The following CACNA2D3 variants were observed in gnomAD, a reference collection of about 807,000 sequenced individuals.
CACNA2D3 encodes calcium voltage-gated channel auxiliary subunit alpha2delta 3, also known as voltage-dependent calcium channel subunit alpha-2/delta-3.
Under a neutral mutation model 160.6 loss-of-function variants are expected in CACNA2D3, and 60 were observed. The ratio of observed to expected loss-of-function variants is 0.37; its 90% confidence interval spans 0.30 to 0.46. The LOEUF (loss-of-function observed/expected upper bound fraction) is 0.46, where lower values mean the gene tolerates loss of function less well. CACNA2D3 is among the 20% of genes least tolerant of loss of function. The pLI is 1.00. For synonymous variants in CACNA2D3, 558 were observed against 492.9 expected, an observed-to-expected ratio of 1.13 and a Z score of -1.75; for missense variants, 1,205 against 1,365.0, an observed-to-expected ratio of 0.88 and a Z score of 1.85.
Position 54,846,451 on chromosome 3 carries a change from C to T in CACNA2D3, c.1610C>T (p.Pro537Leu), listed in dbSNP as rs748459234. Residue 537 changes from proline (P) to leucine (L), a missense_variant, in exon 17 of 38, where the codon CCG (proline) becomes CTG (leucine). Coordinates refer to ENST00000474759, the MANE Select transcript of CACNA2D3 (RefSeq NM_018398.3). ...ITNNGYILTH[P>L]ELRLLYEEGK... is the part of the protein sequence containing the mutation. ...AATAATGGATATATCCTGACGCATC[C>T]GGAACTCAGGCTGCTGGTAAGAGAA... 6.3e-6 allele frequency: 10 copies of T among 1,598,818 alleles called. No individual in the cohort carries two copies. Among genetic ancestry groups the T allele is most frequent in the Non-Finnish European group, 7.7e-6 (9 of 1,170,768 alleles).
chr3:54,597,245 T>G (rs1210694468), intron 9 of CACNA2D3, among the ~76,000 whole-genome samples: 3 of 152,160 alleles, frequency 2.0e-5, no homozygotes, highest in Non-Finnish European at 4.4e-5. Context: ...TTTCCCACTG[T>G]GGGCACCCCA....
chr3:54,452,276 A>G (rs1455830028), intron 4 of CACNA2D3, among the ~76,000 whole-genome samples: 1 of 152,154 alleles, frequency 6.6e-6, no homozygotes, highest in Non-Finnish European at 1.5e-5. Flanking sequence ...GGGAACTCCC[A>G]TTTATAAAAC....
At chr3:54,159,303 T>C (rs1700300220) in intron 2 of CACNA2D3, among the ~76,000 whole-genome samples, 1 of 152,206 alleles carries the variant, frequency 6.6e-6, no homozygotes, top group South Asian at 2.1e-4. Flanking sequence ...TTTTCCTTGC[T>C]CAGTGCATTG....
At chr3:54,997,513 GCAACCA>G (rs1042858656) in intron 31 of CACNA2D3, among the ~76,000 whole-genome samples, 8 of 151,968 alleles carry the variant, frequency 5.3e-5, no homozygotes, top group African/African-American at 9.7e-5. Context: ...ACCAGCTTGG[GCAACCA>G]CATCCAGCAC....
chr3:54,380,198 T>A (rs1409207150), intron 3 of CACNA2D3, among the ~76,000 whole-genome samples: 1 of 152,224 alleles, frequency 6.6e-6, no homozygotes, highest in African/African-American at 2.4e-5. Context: ...TCATTTTGCC[T>A]GGGTTCCTGG....
intron 11 of CACNA2D3, among the ~76,000 whole-genome samples, chr3:54,646,186 C>CCCTCCTTG (rs1559537958): frequency 2.3e-3 from 15 of 6,472 alleles, no homozygotes; most frequent in Admixed American, 5.1e-3. Flanking sequence ...CTCCCTCCCT[C>CCCTCCTTG]CTTCCTTGCT....
chr3:54,162,128 T>A lies in CACNA2D3; in HGVS notation c.204+38534T>A, dbSNP rs141812140. Among the ~76,000 whole-genome samples the A allele has an allele frequency of 4.2e-3, 637 of 152,308 alleles. 6 individuals are homozygous for A. Among genetic ancestry groups the A allele is most frequent in the Non-Finnish European group, 4.4e-3 (296 of 68,026 alleles). On this transcript the variant is annotated intron_variant, in intron 2 of 37. Transcript: ENST00000474759. ...CTGTCTTTCACTCAAGGATATTTAT[T>A]GAGTGCCTGCTTTGTCCCAGGTTTG...
At chr3:55,073,616 G>A in intron 36 of CACNA2D3, 59 bp downstream of exon 36, 1 of 1,397,772 alleles carries the variant, frequency 7.2e-7, no homozygotes. Context: ...GGTATCAGTG[G>A]TAAGGAAACC....
chr3:54,687,893 A>G lies in CACNA2D3; in HGVS notation c.1167+45652A>G, dbSNP rs1406165871. The stretch of plus-strand genomic sequence containing the variant: ...ATTACTGAGAATGATTCTTCTGCAT[A>G]CAGACTTCAGACAGGTACCCTTTGT... On this transcript the variant is annotated intron_variant, in intron 11 of 37. Coordinates refer to ENST00000474759, the MANE Select transcript of CACNA2D3 (RefSeq NM_018398.3). Among the ~76,000 whole-genome samples, 5 of 152,206 alleles carry G rather than the reference A, an allele frequency of 3.3e-5. No homozygotes were observed. In the East Asian group the frequency reaches 7.7e-4, roughly 23 times the overall value.
intron 35 of CACNA2D3, among the ~76,000 whole-genome samples, chr3:55,051,447 A>G (rs552487865): frequency 0.042 from 6,321 of 151,720 alleles, 359 homozygotes; most frequent in African/African-American, 0.13. Context: ...CCACTTGAGG[A>G]GGCAGTCTGC....
At chr3:54,494,688 A>G (rs906229071) in intron 4 of CACNA2D3, among the ~76,000 whole-genome samples, 1 of 152,208 alleles carries the variant, frequency 6.6e-6, no homozygotes, top group Non-Finnish European at 1.5e-5. Flanking sequence ...TCACACTGCT[A>G]TAAAGAATAC....
chr3:54,572,692 T>C (rs1026783164), intron 8 of CACNA2D3, among the ~76,000 whole-genome samples: 1 of 152,234 alleles, frequency 6.6e-6, no homozygotes, highest in Non-Finnish European at 1.5e-5. Flanking sequence ...GAACTTTGGG[T>C]TTGCTGCCAA....
chr3:54,922,681 T>C (rs1700888274), intron 27 of CACNA2D3, among the ~76,000 whole-genome samples: 1 of 152,104 alleles, frequency 6.6e-6, no homozygotes, highest in Non-Finnish European at 1.5e-5. Context: ...TGTCTGTAGC[T>C]CCAACATCTT....
chr3:54,991,224 ATTTTTTT>A (rs72441718), intron 31 of CACNA2D3, among the ~76,000 whole-genome samples: 2 of 138,736 alleles, frequency 1.4e-5, no homozygotes, highest in Admixed American at 1.5e-4. Flanking sequence ...AGTGTCGAGT[ATTTTTTT>A]TTTTTTTTTT....
intron 13 of CACNA2D3, among the ~76,000 whole-genome samples, chr3:54,811,389 C>T (rs1295465001): frequency 6.7e-6 from 1 of 150,022 alleles, no homozygotes; most frequent in African/African-American, 2.4e-5. Context: ...CATCTCGATT[C>T]TCAACTCTAC....
intron 4 of CACNA2D3, among the ~76,000 whole-genome samples, chr3:54,424,098 G>C (rs918019620): frequency 2.0e-5 from 3 of 151,452 alleles, no homozygotes; most frequent in Non-Finnish European, 2.9e-5. Context: ...GGTAGTGTCT[G>C]TGTGTGTGTG....
At chr3:54,902,987 A>T (rs1392295219) in intron 27 of CACNA2D3, among the ~76,000 whole-genome samples, 4 of 152,232 alleles carry the variant, frequency 2.6e-5, no homozygotes, top group Non-Finnish European at 5.9e-5. Flanking sequence ...CTATAAATAA[A>T]TAATAACCAG....
chr3:54,937,126 C>T (rs1056624927), intron 27 of CACNA2D3, among the ~76,000 whole-genome samples: 1 of 152,190 alleles, frequency 6.6e-6, no homozygotes. Flanking sequence ...AAGGTGAAGA[C>T]ACCCTTACTT....
At chr3:54,511,889 G>A (rs1181079518) in intron 5 of CACNA2D3, among the ~76,000 whole-genome samples, 1 of 152,216 alleles carries the variant, frequency 6.6e-6, no homozygotes, top group Non-Finnish European at 1.5e-5. Context: ...CTTGCTTTCT[G>A]TGTTTTGCCT....
Sources: allele counts gnomAD v4.1 joint callset (sites outside exome capture counted in the v4.1 genomes callset), GRCh38; gene constraint gnomAD v4.1.1; transcripts MANE v1.5; gene names NCBI Gene and HGNC (gene_info 2026-07-23, HGNC 2026-07-21).